ELAVL4: variants seen among roughly 807,000 people sequenced by gnomAD.
ELAVL4 encodes ELAV-like protein 4.
A neutral mutation model predicts 35.6 loss-of-function variants in ELAVL4; 1 was observed. The observed-to-expected ratio is 0.03, with a 90% CI of 0.01 to 0.13. The LOEUF (loss-of-function observed/expected upper bound fraction) is 0.13. ELAVL4 is among the 10% of genes least tolerant of loss of function. The probability of loss-of-function intolerance (pLI) is 1.00; values close to 1 mark genes in which losing one functional copy is unlikely to be tolerated. For missense variants in ELAVL4, 267 were observed against 464.9 expected, an observed-to-expected ratio of 0.57 and a Z score of 3.91; for synonymous variants, 156 against 171.0, an observed-to-expected ratio of 0.91 and a Z score of 0.69.
intron 1 of ELAVL4, among the ~76,000 whole-genome samples, chr1:50,132,533 C>T (rs1422388466): frequency 1.3e-5 from 2 of 152,112 alleles, no homozygotes; most frequent in Non-Finnish European, 2.9e-5. Flanking sequence ...AGGTTGCTGC[C>T]GGGCGATAGG....
intron 1 of ELAVL4, among the ~76,000 whole-genome samples, chr1:50,114,542 G>C (rs1358878300): frequency 6.6e-6 from 1 of 151,896 alleles, no homozygotes; most frequent in Non-Finnish European, 1.5e-5. Context: ...CAGTGAAAAG[G>C]AAAAAAAGGC....
intron 3 of ELAVL4, among the ~76,000 whole-genome samples, chr1:50,178,956 C>T (rs966300880): frequency 7.5e-6 from 1 of 132,596 alleles, no homozygotes; most frequent in Non-Finnish European, 1.6e-5. Flanking sequence ...AATCAACTTT[C>T]CATTTTGCTT....
chr1:50,104,569 G>T (rs1384161906), upstream of ELAVL4, among the ~76,000 whole-genome samples: 1 of 152,178 alleles, frequency 6.6e-6, no homozygotes, highest in Non-Finnish European at 1.5e-5. Flanking sequence ...TGGATGGGCT[G>T]GGAAAATATT....
chr1:50,119,066 AAGAAAGAAAG>A (rs1485688153), intron 1 of ELAVL4, among the ~76,000 whole-genome samples: 2 of 136,064 alleles, frequency 1.5e-5, no homozygotes, highest in Non-Finnish European at 3.2e-5. Context: ...GAAAGAAAGA[AAGAAAGAAAG>A]AAAGAAAGAA....
At chr1:50,107,841 C>A (rs1666470450), upstream of ELAVL4, among the ~76,000 whole-genome samples, 1 of 152,112 alleles carries the variant, frequency 6.6e-6, no homozygotes. Context: ...CTACTGAAGG[C>A]TTGGTAGTGT....
chr1:50,090,564 C>T (rs1190363827), intron 1 of ELAVL4, among the ~76,000 whole-genome samples: 1 of 152,170 alleles, frequency 6.6e-6, no homozygotes, highest in Non-Finnish European at 1.5e-5. Flanking sequence ...AGCTCTTGCT[C>T]ATTTCACAGT....
At chr1:50,086,242 T>G (rs947690346) in intron 1 of ELAVL4, among the ~76,000 whole-genome samples, 6 of 152,134 alleles carry the variant, frequency 3.9e-5, no homozygotes, top group Non-Finnish European at 5.9e-5. Flanking sequence ...GGGTTACTTT[T>G]TTTTCCTAGT....
chr1:50,057,165 C>A (rs2148473534), intron 1 of ELAVL4, among the ~76,000 whole-genome samples: 1 of 151,152 alleles, frequency 6.6e-6, no homozygotes, highest in South Asian at 2.1e-4. Context: ...GCATTCTTAT[C>A]TTCATTTTTA....
intron 2 of ELAVL4, among the ~76,000 whole-genome samples, chr1:50,147,431 C>T (rs1673918471): frequency 6.6e-6 from 1 of 152,158 alleles, no homozygotes; most frequent in Non-Finnish European, 1.5e-5. Context: ...TTCCTCCATC[C>T]ACCCGTTGTT....
intron 1 of ELAVL4, among the ~76,000 whole-genome samples, chr1:50,120,931 A>T (rs1220155869): frequency 6.6e-6 from 1 of 152,040 alleles, no homozygotes; most frequent in African/African-American, 2.4e-5. Flanking sequence ...TCCAGTATAA[A>T]AATGTACCCA....
chr1:50,189,784 A>G (rs932887326), intron 3 of ELAVL4, among the ~76,000 whole-genome samples: 5 of 152,246 alleles, frequency 3.3e-5, no homozygotes, highest in African/African-American at 1.2e-4. Context: ...AGTTCTTACA[A>G]TAACCCATCA....
At chr1:50,198,416 T>C (rs1572636998) in intron 6 of ELAVL4, among the ~76,000 whole-genome samples, 1 of 152,122 alleles carries the variant, frequency 6.6e-6, no homozygotes, top group Non-Finnish European at 1.5e-5. Flanking sequence ...GATGTAGTCT[T>C]TAATAGTCCA....
rs1212278763 is a variant in ELAVL4 at position 50,197,518 on chromosome 1, G to T, written c.773+51G>T. ...GATGTCCATGTTGGCACAGACTGGG[G>T]CTAGAATTTTTTTTTTTTAATTCAC... On this transcript the variant is annotated intron_variant, in intron 6 of 6. Transcript: ENST00000371824. 5 of 1,475,276 alleles carry T rather than the reference G, an allele frequency of 3.4e-6. No homozygotes were observed. In the East Asian group the frequency reaches 1.0e-4, roughly 31 times the overall value. 91.4% of individuals were successfully genotyped at this position (1,475,276 alleles called of 1,614,324 possible). A position where few individuals can be genotyped will look rare whatever the true frequency, so the allele number is the denominator to read the frequency against.
intron 1 of ELAVL4, among the ~76,000 whole-genome samples, chr1:50,098,361 A>G (rs916604589): frequency 2.0e-5 from 3 of 152,188 alleles, no homozygotes; most frequent in Admixed American, 1.3e-4. Flanking sequence ...TAACTTGGTT[A>G]AAAAAATGAA....
In ELAVL4 at chr1:50,184,521, A is replaced by G. The variant is rs1681535547; in HGVS notation, c.354+7329A>G. On this transcript the variant is annotated intron_variant, in intron 3 of 6. Transcript: ENST00000371824. Reference sequence around the variant, plus strand: ...AGCCCATCCTAGTGTCTTATGTCCCATTCTCGGCTTCATATTTTAAAAGAT... The same window carrying G: ...AGCCCATCCTAGTGTCTTATGTCCCGTTCTCGGCTTCATATTTTAAAAGAT... Among the ~76,000 whole-genome samples the G allele has an allele frequency of 2.6e-5, 4 of 152,112 alleles. No individual in the cohort carries two copies. In the South Asian group the frequency reaches 8.3e-4, roughly 32 times the overall value.
intron 2 of ELAVL4, among the ~76,000 whole-genome samples, chr1:50,148,746 A>G (rs1282412283): frequency 6.6e-6 from 1 of 152,250 alleles, no homozygotes; most frequent in African/African-American, 2.4e-5. Context: ...CACAGAGTTC[A>G]TGCAACCTAG....
chr1:50,106,463 T>C, upstream of ELAVL4: 2 of 1,240,630 alleles, frequency 1.6e-6, no homozygotes, highest in Non-Finnish European at 1.2e-6. Flanking sequence ...CCTTAGCTGC[T>C]TGAGTGAGAC....
rs183874235 is a variant in ELAVL4 at position 50,164,858 on chromosome 1, A to G, written c.251-12231A>G. On this transcript the variant is annotated intron_variant, in intron 2 of 6. Transcript: ENST00000371824. ...AGAATGTAAATATCCATGTGAATAG[A>G]TAATATTCATTAGTTTACCCAACAA... 2.4e-3 allele frequency among the ~76,000 whole-genome samples: 360 copies of G among 152,328 alleles called. 1 individual carries two copies. The highest frequency in any genetic ancestry group is 2.7e-3 in the Non-Finnish European group (183 of 68,034).
In ELAVL4 at chr1:50,192,519, GCACACACACACACACA is replaced by G. The variant is rs5774068; in HGVS notation, c.355-1216_355-1201del. Reference sequence around the variant, plus strand: ...TTTGCACACATGCTTTTGTGTGCACGCACACACACACACACACACACACACACACACACACACACAC... The same window carrying G: ...TTTGCACACATGCTTTTGTGTGCACGCACACACACACACACACACACACAC... On this transcript the variant is annotated intron_variant, in intron 3 of 6. Transcript: ENST00000371824. 6.7e-3 allele frequency among the ~76,000 whole-genome samples: 936 copies of G among 140,442 alleles called. 16 individuals are homozygous for G. Among genetic ancestry groups the G allele is most frequent in the African/African-American group, 0.023 (889 of 38,000 alleles). The allele number at this position is 140,442 out of a possible 152,430, so 92.1% of individuals were successfully genotyped here. A position where few individuals can be genotyped will look rare whatever the true frequency, so the allele number is the denominator to read the frequency against.
Sources: allele counts gnomAD v4.1 joint callset (sites outside exome capture counted in the v4.1 genomes callset), GRCh38; gene constraint gnomAD v4.1.1; transcripts MANE v1.5; gene names NCBI Gene and HGNC (gene_info 2026-07-23, HGNC 2026-07-21).